The following MAF variants were observed in gnomAD, a reference collection of about 807,000 sequenced individuals.
MAF encodes the protein transcription factor Maf.
MAF carries 10 observed loss-of-function variants against 22.0 expected under a neutral mutation model. The observed-to-expected ratio is 0.45, with a 90% CI of 0.28 to 0.77. The LOEUF (loss-of-function observed/expected upper bound fraction) is 0.77, where lower values mean the gene tolerates loss of function less well. MAF is among the 30% of genes least tolerant of loss of function. The pLI, the probability that MAF is intolerant of heterozygous loss-of-function variation, is 0.12. For missense variants in MAF, 544 were observed against 548.4 expected (o/e 0.99, Z 0.08); for synonymous variants, 337 against 255.8 (o/e 1.32, Z -3.03).
the MAF span, among the ~76,000 whole-genome samples, chr16:79,296,158 T>A: frequency 4.6e-5 from 7 of 152,232 alleles, no homozygotes; most frequent in Non-Finnish European, 1.0e-4. Context: ...TTCTTCCTCA[T>A]AGATCACTGT....
chr16:79,454,594 C>T, the MAF span, among the ~76,000 whole-genome samples: 1 of 152,168 alleles, frequency 6.6e-6, no homozygotes, highest in Non-Finnish European at 1.5e-5. Flanking sequence ...CAGCCCATTT[C>T]CCCTAAAGGA....
chr16:79,540,430 C>T, the MAF span, among the ~76,000 whole-genome samples: 1 of 152,136 alleles, frequency 6.6e-6, no homozygotes, highest in Admixed American at 6.5e-5. Context: ...AGCCTCCCAG[C>T]GAGATCAGTT....
At chr16:79,239,247 C>A in the MAF span, among the ~76,000 whole-genome samples, 2 of 152,044 alleles carry the variant, frequency 1.3e-5, no homozygotes, top group African/African-American at 2.4e-5. Context: ...GTGCCCTAGG[C>A]TCCTAGTTTG....
the MAF span, among the ~76,000 whole-genome samples, chr16:79,378,664 T>G: frequency 1.3e-5 from 2 of 152,232 alleles, no homozygotes. Flanking sequence ...AACATGTATT[T>G]ATATCTTCCA....
chr16:79,526,799 G>C, the MAF span, among the ~76,000 whole-genome samples: 2 of 152,122 alleles, frequency 1.3e-5, no homozygotes, highest in African/African-American at 4.8e-5. Context: ...CGTGGAGTTA[G>C]GAAGAGATAA....
At chr16:79,393,595 C>T in the MAF span, among the ~76,000 whole-genome samples, 3 of 152,150 alleles carry the variant, frequency 2.0e-5, no homozygotes, top group East Asian at 1.9e-4. Flanking sequence ...TTAACCAGCT[C>T]CAGCCCCTGG....
the MAF span, among the ~76,000 whole-genome samples, chr16:79,524,110 G>T: frequency 6.6e-5 from 10 of 152,286 alleles, no homozygotes; most frequent in South Asian, 2.1e-4. Context: ...GGGACTCACT[G>T]GCATCCAACT....
chr16:79,589,039 A>G (rs1486328261), downstream of MAF, among the ~76,000 whole-genome samples: 1 of 152,190 alleles, frequency 6.6e-6, no homozygotes, highest in Admixed American at 6.5e-5. Flanking sequence ...TTTAGTTTCA[A>G]TGTATCTATC....
chr16:79,524,301 C>A, the MAF span, among the ~76,000 whole-genome samples: 1 of 152,190 alleles, frequency 6.6e-6, no homozygotes, highest in African/African-American at 2.4e-5. Context: ...GCTCAGATTG[C>A]CTGCTCCACT....
chr16:79,347,773 C>G, the MAF span, among the ~76,000 whole-genome samples: 1 of 152,164 alleles, frequency 6.6e-6, no homozygotes, highest in Non-Finnish European at 1.5e-5. Flanking sequence ...GATCTCCTAA[C>G]TCCTGTCTTA....
chr16:79,549,294 CG>C, the MAF span, among the ~76,000 whole-genome samples: 1 of 152,054 alleles, frequency 6.6e-6, no homozygotes, highest in East Asian at 1.9e-4. Flanking sequence ...CCCATGAGGT[CG>C]ACGCTATGAA....
At chr16:79,566,277 G>A in the MAF span, among the ~76,000 whole-genome samples, 1 of 152,100 alleles carries the variant, frequency 6.6e-6, no homozygotes, top group African/African-American at 2.4e-5. Context: ...TCATCTTTGT[G>A]GCACTTTTAG....
At chr16:79,236,249 G>A in the MAF span, among the ~76,000 whole-genome samples, 452 of 152,192 alleles carry the variant, frequency 3.0e-3, 11 homozygotes, top group Admixed American at 0.023. Context: ...ATGGAGCTCT[G>A]ATGACCATCC....
At chr16:79,372,964 T>A in the MAF span, among the ~76,000 whole-genome samples, 1 of 152,220 alleles carries the variant, frequency 6.6e-6, no homozygotes, top group African/African-American at 2.4e-5. Context: ...CATCAAGATC[T>A]CTGCTAGAGA....
At chr16:79,506,773 G>A in the MAF span, among the ~76,000 whole-genome samples, 2 of 152,186 alleles carry the variant, frequency 1.3e-5, no homozygotes, top group Non-Finnish European at 2.9e-5. Flanking sequence ...AACCAATGAT[G>A]CTGCCACTGA....
the MAF span, among the ~76,000 whole-genome samples, chr16:79,266,999 G>C: frequency 6.6e-6 from 1 of 152,196 alleles, no homozygotes; most frequent in African/African-American, 2.4e-5. Flanking sequence ...AACTGTTGTT[G>C]AATGAATGAG....
At chr16:79,556,774 G>A in the MAF span, among the ~76,000 whole-genome samples, 1 of 152,096 alleles carries the variant, frequency 6.6e-6, no homozygotes, top group Admixed American at 6.5e-5. Flanking sequence ...GGTAAGTTAG[G>A]TAATCTATCT....
chr16:79,369,955 A>G, the MAF span, among the ~76,000 whole-genome samples: 65 of 152,316 alleles, frequency 4.3e-4, no homozygotes, highest in African/African-American at 1.4e-3. Flanking sequence ...GCCTCTCCCA[A>G]CCTTCTGTAG....
the MAF span, among the ~76,000 whole-genome samples, chr16:79,419,807 G>T: frequency 2.6e-5 from 4 of 152,018 alleles, no homozygotes; most frequent in Admixed American, 2.0e-4. Context: ...CACCAGGGTG[G>T]CAGTGTCACA....
Sources: allele counts gnomAD v4.1 joint callset (sites outside exome capture counted in the v4.1 genomes callset), GRCh38; gene constraint gnomAD v4.1.1; transcripts MANE v1.5; gene names NCBI Gene and HGNC (gene_info 2026-07-23, HGNC 2026-07-21).